The following SNX8 variants were observed in gnomAD, a reference collection of about 807,000 sequenced individuals.
SNX8 encodes sorting nexin 8, also known as sorting nexin-8.
Under a neutral mutation model 51.6 loss-of-function variants are expected in SNX8, and 25 were observed. That is an observed-to-expected ratio of 0.48 (90% CI 0.35 to 0.68). The LOEUF (loss-of-function observed/expected upper bound fraction) is 0.68. Among genes scored for constraint, SNX8 ranks in the 30% least tolerant of loss-of-function variants. The pLI is 0.00. For missense variants in SNX8, 695 were observed against 624.0 expected, an observed-to-expected ratio of 1.11 and a Z score of -1.21; for synonymous variants, 324 against 277.0, an observed-to-expected ratio of 1.17 and a Z score of -1.68.
Position 2,255,071 on chromosome 7 carries a change from G to A in SNX8, c.1383C>T (p.Gly461=). 6.4e-7 allele frequency: 1 copy of A among 1,568,792 alleles called. No individual in the cohort carries two copies. Among genetic ancestry groups the A allele is most frequent in the Middle Eastern group, 1.7e-4 (1 of 5,996 alleles). Residue 461 remains glycine, a synonymous_variant, in exon 11 of 11, where the codon GGC becomes GGT. Transcript: ENST00000222990. Reference sequence around the variant, plus strand: ...GCCTCAGGCGCTAGTGAGGACACAGGCCGTCCTCCGGCGGGGAGCACGGTG... The same window carrying A: ...GCCTCAGGCGCTAGTGAGGACACAGACCGTCCTCCGGCGGGGAGCACGGTG... The part of the protein sequence containing the change: ...LTPPCSPPED[G]LCPH
chr7:2,257,417 G>C lies in SNX8; in HGVS notation c.1082C>G (p.Ala361Gly). The change falls in exon 9 of 11, where the codon GCG (alanine) becomes GGG (glycine). Residue 361 changes from alanine to glycine, a missense_variant. Transcript: ENST00000222990. Reference protein sequence around the residue: ...LMKRQMMSATAQNREPESVEQ... With the variant: ...LMKRQMMSATGQNREPESVEQ... ...CACGGACTCCGGCTCGCGGTTCTGC[G>C]CGGTGGCGCTCATCATCTGCCTCTT... 1.4e-5 allele frequency: 22 copies of C among 1,610,778 alleles called. No individual in the cohort carries two copies. The highest frequency in any genetic ancestry group is 1.8e-5 in the Non-Finnish European group (21 of 1,179,514).
intron 1 of SNX8, among the ~76,000 whole-genome samples, chr7:2,330,919 T>C (rs1299085913): frequency 6.6e-6 from 1 of 152,036 alleles, no homozygotes; most frequent in Admixed American, 6.6e-5. Flanking sequence ...GCGCGGTGGC[T>C]CACGCCTGTG....
intron 3 of SNX8, 163 bp downstream of exon 3, chr7:2,274,949 G>C: frequency 3.4e-6 from 2 of 592,826 alleles, no homozygotes; most frequent in Non-Finnish European, 6.0e-6. Context: ...CCAAGGCTGG[G>C]CTCAAGCCAC....
At chr7:2,260,318 A>C (rs1331258192) in intron 7 of SNX8, among the ~76,000 whole-genome samples, 1 of 152,074 alleles carries the variant, frequency 6.6e-6, no homozygotes, top group Non-Finnish European at 1.5e-5. Context: ...GGCTGGTCTC[A>C]AACTCCTGAC....
chr7:2,341,327 C>T (rs977451861), intron 1 of SNX8, among the ~76,000 whole-genome samples: 6 of 151,720 alleles, frequency 4.0e-5, no homozygotes, highest in African/African-American at 1.5e-4. Flanking sequence ...GGCAAAATCC[C>T]TTCTCTATTA....
At chr7:2,280,537 T>A (rs920161424) in intron 1 of SNX8, among the ~76,000 whole-genome samples, 2 of 152,114 alleles carry the variant, frequency 1.3e-5, no homozygotes, top group African/African-American at 2.4e-5. Flanking sequence ...ATTTTTATGA[T>A]TTTCCTGATT....
chr7:2,268,887 C>T (rs1795565489), intron 5 of SNX8, among the ~76,000 whole-genome samples: 2 of 21,356 alleles, frequency 9.4e-5, no homozygotes, highest in African/African-American at 4.2e-4. Flanking sequence ...CCAGCCGCCC[C>T]GTCCGGGAGG....
At chr7:2,316,394 C>A (rs1796757905), upstream of SNX8, among the ~76,000 whole-genome samples, 1 of 151,502 alleles carries the variant, frequency 6.6e-6, no homozygotes, top group Non-Finnish European at 1.5e-5. Flanking sequence ...ATCCTGCATT[C>A]ATTCACGCAA....
chr7:2,274,010 C>G (rs910867099), intron 3 of SNX8, among the ~76,000 whole-genome samples: 3 of 152,234 alleles, frequency 2.0e-5, no homozygotes, highest in African/African-American at 7.2e-5. Flanking sequence ...TGAGGCTGCA[C>G]TTCCTTAAAT....
intron 1 of SNX8, chr7:2,309,850 G>T (rs920674424): frequency 6.4e-6 from 3 of 471,124 alleles, no homozygotes; most frequent in Non-Finnish European, 1.3e-5. Context: ...GGGAGCCCAG[G>T]GTGCATGGAA....
intron 10 of SNX8, among the ~76,000 whole-genome samples, chr7:2,255,851 G>A (rs1357306143): frequency 3.3e-5 from 5 of 152,212 alleles, no homozygotes; most frequent in Admixed American, 1.3e-4. Flanking sequence ...GGAGGGGAGC[G>A]CGGCAGTGAG....
chr7:2,340,419 G>GT (rs1032704245), intron 1 of SNX8, among the ~76,000 whole-genome samples: 17 of 147,156 alleles, frequency 1.2e-4, no homozygotes, highest in African/African-American at 2.7e-4. Flanking sequence ...GTGGGAAAGG[G>GT]TTTTTTTTTT....
upstream of SNX8, among the ~76,000 whole-genome samples, chr7:2,317,695 T>A (rs1281816822): frequency 6.6e-6 from 1 of 152,110 alleles, no homozygotes; most frequent in Admixed American, 6.6e-5. Flanking sequence ...AGTTACTTCC[T>A]CTGGCTATAG....
chr7:2,255,115 G>A lies in SNX8; in HGVS notation c.1339C>T (p.Pro447Ser). The A allele has an allele frequency of 6.3e-7, 1 of 1,580,392 alleles. No individual in the cohort carries two copies. The highest frequency in any genetic ancestry group is 2.3e-5 in the East Asian group (1 of 42,998). The change falls in exon 11 of 11, where the codon CCA becomes TCA. Residue 447 changes from proline to serine, a missense_variant. Transcript: ENST00000222990. ...CACGGTGGGGTCAGGGTGCTGTGTG[G>A]TCCCGCAAAGAGGCAGCTGAGCTTG... is the stretch of plus-strand genomic sequence containing the variant. ...RPKLSCLFAGPHSTLTPPCSP... is the reference protein window; with the variant it reads ...RPKLSCLFAGSHSTLTPPCSP...
chr7:2,307,682 C>CCGA (rs1047316707), intron 1 of SNX8: 2 of 149,996 alleles, frequency 1.3e-5, no homozygotes, highest in Non-Finnish European at 3.0e-5. Flanking sequence ...ATGCTGGAGA[C>CCGA]CGACAGCCAG....
chr7:2,278,684 C>G (rs1040433710), intron 1 of SNX8, among the ~76,000 whole-genome samples: 1 of 131,196 alleles, frequency 7.6e-6, no homozygotes. Context: ...CTCACTCACA[C>G]TACGGAGTCG....
rs528037176 is a variant in SNX8 at position 2,303,014 on chromosome 7, G to T, written c.94+11314C>A. On this transcript the variant is annotated intron_variant, in intron 1 of 10. Coordinates refer to ENST00000222990, the MANE Select transcript of SNX8 (RefSeq NM_013321.4). ...CCACCCCGTCCGGGACAGAGGTGGG[G>T]GTCAGCCCCCGCCAGGCCAGCCGCC... 2.7e-3 allele frequency among the ~76,000 whole-genome samples: 403 copies of T among 151,954 alleles called. 4 individuals are homozygous for T. The highest frequency in any genetic ancestry group is 9.0e-3 in the African/African-American group (375 of 41,452).
chr7:2,256,017 G>A (rs2115085423), intron 10 of SNX8, among the ~76,000 whole-genome samples: 1 of 152,306 alleles, frequency 6.6e-6, no homozygotes, highest in Admixed American at 6.5e-5. Flanking sequence ...TAAAAAACCT[G>A]GTAGGACTGG....
intron 1 of SNX8, among the ~76,000 whole-genome samples, chr7:2,282,696 G>C (rs1795934634): frequency 6.6e-6 from 1 of 152,206 alleles, no homozygotes; most frequent in South Asian, 2.1e-4. Context: ...AAAAGGATTG[G>C]CCGGGCGCAG....
Sources: gnomAD v4.1 joint callset for allele counts (sites outside exome capture counted in the v4.1 genomes callset) on GRCh38, gnomAD v4.1.1 for gene constraint, MANE v1.5 for transcripts, NCBI Gene and HGNC (gene_info 2026-07-23, HGNC 2026-07-21) for gene names.